Variants in LRWD1 observed in about 807,000 individuals in gnomAD.
The protein encoded by LRWD1 is leucine-rich repeat and WD repeat-containing protein 1.
LRWD1 carries 76 observed loss-of-function variants against 75.6 expected under a neutral mutation model. That is an observed-to-expected ratio of 1.01 (90% confidence interval 0.84 to 1.22). LRWD1 has a LOEUF of 1.22. Among genes scored for constraint, LRWD1 ranks in the 50% most tolerant of loss-of-function variants. LRWD1 has a pLI of 0.00. For missense variants in LRWD1, 917 were observed against 862.0 expected (o/e 1.06, Z -0.80); for synonymous variants, 487 against 377.0 (o/e 1.29, Z -3.38).
chr7:102,466,174 C>T lies in LRWD1; in HGVS notation c.336C>T (p.Val112=). The change falls in exon 3 of 15, where the codon GTC becomes GTT. Residue 112 remains valine (V), a synonymous_variant. Coordinates refer to ENST00000292616, the MANE Select transcript of LRWD1 (RefSeq NM_152892.3). The part of the protein sequence containing the change: ...PFLTVNDNLK[V]SFLLPTLRKV... ...CCCAGGTCAATGACAACCTGAAAGT[C>T]TCCTTTCTCCTGCCCACGCTCCGTA... The T allele has an allele frequency of 6.2e-7, 1 of 1,614,180 alleles. No homozygotes were observed. Among genetic ancestry groups the T allele is most frequent in the Non-Finnish European group, 8.5e-7 (1 of 1,180,026 alleles).
At position 102,465,791 on chromosome 7, in the gene LRWD1, C is replaced by G. The variant is rs368120898; in HGVS notation, c.81-26C>G. ...TGTAGGGTGCAAAGCCTGCCCGCCCCCTAAGCCTTCTGCCCCCAACTCCAG... is the reference window on the plus strand; with the variant it reads ...TGTAGGGTGCAAAGCCTGCCCGCCCGCTAAGCCTTCTGCCCCCAACTCCAG... On this transcript the variant is annotated intron_variant, in intron 1 of 14. Coordinates refer to ENST00000292616, the MANE Select transcript of LRWD1 (RefSeq NM_152892.3). The G allele has an allele frequency of 1.6e-5, 25 of 1,591,032 alleles. No individual in the cohort carries two copies. The African/African-American group carries it at 3.2e-4, about 21-fold the overall frequency.
Position 102,466,251 on chromosome 7 carries a change from A to G in LRWD1, c.413A>G (p.Asn138Ser). 6.2e-7 allele frequency: 1 copy of G among 1,613,876 alleles called. No individual in the cohort carries two copies. The highest frequency in any genetic ancestry group is 8.5e-7 in the Non-Finnish European group (1 of 1,179,772). ...SSTYSQVENL[N>S]RELTSRVTAH... ...ACTTACTCTCAGGTGGAGAACCTGA[A>G]TCGGGAGCTGACCAGCAGGGTAAGG... The change falls in exon 3 of 15, where the codon AAT (asparagine) becomes AGT (serine). Residue 138 changes from asparagine to serine, a missense_variant. Coordinates refer to ENST00000292616, the MANE Select transcript of LRWD1 (RefSeq NM_152892.3).
chr7:102,468,453 G>A (rs62483806), intron 7 of LRWD1, 76 bp downstream of exon 7: 126,983 of 1,538,704 alleles, frequency 0.083, 5,951 homozygotes, highest in Non-Finnish European at 0.096. Context: ...TCAGGAGACA[G>A]AGCTTAAAAG....
At chr7:102,467,857 C>G in intron 5 of LRWD1, 34 bp downstream of exon 5, 1 of 1,543,340 alleles carries the variant, frequency 6.5e-7, no homozygotes, top group East Asian at 2.4e-5. Context: ...GAGGCCAGCC[C>G]AGTCCCTCCT....
chr7:102,472,053 C>A, intron 11 of LRWD1, 165 bp from the exon 12 acceptor site: 1 of 666,100 alleles, frequency 1.5e-6, no homozygotes, highest in Non-Finnish European at 2.6e-6. Context: ...CCTTCCAGGG[C>A]AAACTGAACC....
intron 11 of LRWD1, chr7:102,470,790 A>T (rs1798160895): frequency 1.3e-5 from 2 of 152,236 alleles, no homozygotes; most frequent in Admixed American, 1.3e-4. Flanking sequence ...TTTGAGATAG[A>T]GTCTCCCTCT....
intron 11 of LRWD1, 56 bp from the exon 12 acceptor site, chr7:102,472,162 T>G: frequency 6.7e-7 from 1 of 1,497,716 alleles, no homozygotes; most frequent in Non-Finnish European, 9.1e-7. Context: ...CCTGGGTGAG[T>G]GGGCAGCTCT....
Position 102,465,847 on chromosome 7 carries a change from C to T in LRWD1, c.111C>T (p.His37=). 1 of 1,613,318 alleles carries T rather than the reference C, an allele frequency of 6.2e-7. No homozygotes were observed. The highest frequency in any genetic ancestry group is 8.5e-7 in the Non-Finnish European group (1 of 1,180,006). Residue 37 remains histidine (H), a synonymous_variant, in exon 2 of 15, where the codon CAC becomes CAT. Coordinates refer to ENST00000292616, the MANE Select transcript of LRWD1 (RefSeq NM_152892.3). ...DLSGLELLSE[H]LDPKLLCRLT... is the part of the protein sequence containing the mutation. ...CAGGATTGGAGCTGCTTTCCGAGCA[C>T]CTGGACCCCAAACTCCTGTGCCGCC...
In LRWD1 at chr7:102,472,828, A is replaced by C. The variant is rs1798253271; in HGVS notation, c.1803+24A>C. ...AGGTACTGCCCGGCTCACCCTGCCC[A>C]GGCTTGGGCTGGCAAGGCATCAGGG... On this transcript the variant is annotated intron_variant, in intron 14 of 14. Coordinates refer to ENST00000292616, the MANE Select transcript of LRWD1 (RefSeq NM_152892.3). 1.9e-6 allele frequency: 3 copies of C among 1,612,238 alleles called. No homozygotes were observed. In the African/African-American group the frequency reaches 4.0e-5, roughly 22 times the overall value.
rs1443133003 is a variant in LRWD1, at chr7:102,472,511, G to A, written c.1592G>A (p.Gly531Glu). Reference sequence around the variant, plus strand: ...CTGTGGAGCTGGAGGCAGACGTGGGGGGGCCGGGGCAGCCAGTCCACGGTG... The same window carrying A: ...CTGTGGAGCTGGAGGCAGACGTGGGAGGGCCGGGGCAGCCAGTCCACGGTG... ...ICLWSWRQTW[G>E]GRGSQSTVAV... The change falls in exon 13 of 15, where the codon GGG becomes GAG. Residue 531 changes from glycine (G) to glutamate (E), a missense_variant. Gly to Glu is a moderately conservative substitution (Grantham distance 98). Transcript: ENST00000292616. The A allele has an allele frequency of 1.9e-6, 3 of 1,556,304 alleles. No homozygotes were observed. Among genetic ancestry groups the A allele is most frequent in the Non-Finnish European group, 2.6e-6 (3 of 1,151,638 alleles).
In LRWD1 at chr7:102,467,111, TTGCTGGG is replaced by T. The variant is rs1158827394; in HGVS notation, c.433-227_433-221del. Among the ~76,000 whole-genome samples the T allele has an allele frequency of 3.5e-3, 332 of 95,626 alleles. 4 individuals carry two copies. The highest frequency in any genetic ancestry group is 0.011 in the African/African-American group (311 of 29,042). 62.7% of individuals were successfully genotyped at this position (95,626 alleles called of 152,430 possible). On this transcript the variant is annotated intron_variant, in intron 3 of 14. Coordinates refer to ENST00000292616, the MANE Select transcript of LRWD1 (RefSeq NM_152892.3). ...TGTGTGTGTGTAGGCACCTGGGTTGTTGCTGGGGTGTGTGTGTGTGTGTGTGTAGGCA... is the reference window on the plus strand; with the variant it reads ...TGTGTGTGTGTAGGCACCTGGGTTGTGTGTGTGTGTGTGTGTGTGTAGGCA...
chr7:102,472,375 G>T, intron 12 of LRWD1, 66 bp downstream of exon 12: 3 of 1,551,578 alleles, frequency 1.9e-6, no homozygotes, highest in Non-Finnish European at 2.6e-6. Flanking sequence ...TTGTCCCTGG[G>T]CTAGGCTTCT....
At position 102,469,823 on chromosome 7, in the gene LRWD1, C is replaced by G. The variant is rs372020777; in HGVS notation, c.1383C>G (p.Ala461=). ...VASCPDARLL[A]GCEGGCCCWD... is the part of the protein sequence containing the mutation. The stretch of plus-strand genomic sequence containing the variant: ...CCTGCCCGGACGCCCGCCTGCTGGC[C>G]GGCTGCGAGGGCGGCTGCTGCTGCT... The change falls in exon 11 of 15, where the codon GCC becomes GCG. Residue 461 remains alanine, a synonymous_variant. Coordinates refer to ENST00000292616, the MANE Select transcript of LRWD1 (RefSeq NM_152892.3). 2 of 1,606,476 alleles carry G rather than the reference C, an allele frequency of 1.2e-6. No individual in the cohort carries two copies. The highest frequency in any genetic ancestry group is 1.7e-6 in the Non-Finnish European group (2 of 1,176,872).
intron 3 of LRWD1, among the ~76,000 whole-genome samples, chr7:102,467,096 TAGG>T (rs1798009899): frequency 7.8e-6 from 1 of 128,268 alleles, no homozygotes; most frequent in African/African-American, 3.0e-5. Context: ...TGTGTGTGTG[TAGG>T]CACCTGGGTT....
chr7:102,467,291 G>T (rs763550672), intron 3 of LRWD1, 48 bp from the exon 4 acceptor site: 1 of 1,551,168 alleles, frequency 6.4e-7, no homozygotes, highest in Non-Finnish European at 8.7e-7. Context: ...GGCTGGGTCC[G>T]GAGGAGCTGG....
In LRWD1 at chr7:102,468,919, G is replaced by A; in HGVS notation, c.1085G>A (p.Trp362Ter). 1 of 1,613,028 alleles carries A rather than the reference G, an allele frequency of 6.2e-7. No individual in the cohort carries two copies. Among genetic ancestry groups the A allele is most frequent in the Non-Finnish European group, 8.5e-7 (1 of 1,179,964 alleles). The change falls in exon 9 of 15, where the codon TGG becomes TAG. Residue 362 changes from tryptophan (W) to a stop codon, truncating the protein, a stop_gained. Transcript: ENST00000292616. LOFTEE classifies it high-confidence loss of function. ...ACACAGGCTGGCCACAAGAAGCGCTGGAGTGTGCTGGCGGCTGCAGGCCTA... is the reference window on the plus strand; with the variant it reads ...ACACAGGCTGGCCACAAGAAGCGCTAGAGTGTGCTGGCGGCTGCAGGCCTA... Reference protein sequence around the residue: ...VVTQAGHKKRWSVLAAAGLRG... With the variant: ...VVTQAGHKKR
At position 102,469,735 on chromosome 7, in the gene LRWD1, C is replaced by T. The variant is rs1798129027; in HGVS notation, c.1302-7C>T. On this transcript the variant is annotated splice_region_variant and splice_polypyrimidine_tract_variant and intron_variant, in intron 10 of 14. Coordinates refer to ENST00000292616, the MANE Select transcript of LRWD1 (RefSeq NM_152892.3). ...CTGATGCTCTGTTCCCCCTTGCCCACTGGCAGCCAGCTGCTCACACTGGAC... is the reference window on the plus strand; with the variant it reads ...CTGATGCTCTGTTCCCCCTTGCCCATTGGCAGCCAGCTGCTCACACTGGAC... 1 of 1,609,388 alleles carries T rather than the reference C, an allele frequency of 6.2e-7. No homozygotes were observed.
Position 102,465,163 on chromosome 7 carries a change from A to G in LRWD1, c.80+3A>G. The G allele has an allele frequency of 1.3e-6, 2 of 1,501,562 alleles. No homozygotes were observed. Among genetic ancestry groups the G allele is most frequent in the Non-Finnish European group, 1.8e-6 (2 of 1,128,612 alleles). The allele number at this position is 1,501,562 out of a possible 1,614,324, so 93.0% of individuals were successfully genotyped here. A position where few individuals can be genotyped will look rare whatever the true frequency, so the allele number is the denominator to read the frequency against. On this transcript the variant is annotated splice_donor_region_variant and intron_variant, in intron 1 of 14. Transcript: ENST00000292616. ...CTGGGGAAGATCCGGAGTCTGGAGTAAGAGCCGGGCAGCGGGTGAGGCTGT... is the reference window on the plus strand; with the variant it reads ...CTGGGGAAGATCCGGAGTCTGGAGTGAGAGCCGGGCAGCGGGTGAGGCTGT...
intron 3 of LRWD1, among the ~76,000 whole-genome samples, 181 bp from the exon 4 acceptor site, chr7:102,467,154 TGCTG>T (rs1157433425): frequency 3.0e-4 from 27 of 91,378 alleles, no homozygotes; most frequent in African/African-American, 1.0e-3. Context: ...CCTGGGTTGT[TGCTG>T]GGGTGTGTGT....
Sources: gnomAD v4.1 joint callset for allele counts (sites outside exome capture counted in the v4.1 genomes callset) on GRCh38, gnomAD v4.1.1 for gene constraint, MANE v1.5 for transcripts, NCBI Gene and HGNC (gene_info 2026-07-23, HGNC 2026-07-21) for gene names.